PRKCA: variants seen among roughly 807,000 people sequenced by gnomAD.
The protein encoded by PRKCA is protein kinase C alpha type.
A neutral mutation model predicts 87.0 loss-of-function variants in PRKCA; 27 were observed. That is an observed-to-expected ratio of 0.31 (90% CI 0.23 to 0.43). PRKCA has a LOEUF of 0.43. PRKCA is among the 20% of genes least tolerant of loss of function. PRKCA has a pLI of 1.00. For missense variants in PRKCA, 518 were observed against 852.3 expected (o/e 0.61, Z 4.88); for synonymous variants, 329 against 311.1 (o/e 1.06, Z -0.61).
chr17:66,448,471 T>C (rs574837683), intron 2 of PRKCA, among the ~76,000 whole-genome samples: 2 of 152,304 alleles, frequency 1.3e-5, no homozygotes, highest in East Asian at 3.9e-4. Context: ...CTATGCGTAA[T>C]GAGGGTGACA....
chr17:66,562,247 C>T (rs1255499555), intron 3 of PRKCA, among the ~76,000 whole-genome samples: 8 of 84,630 alleles, frequency 9.5e-5, no homozygotes, highest in Non-Finnish European at 1.5e-4. Context: ...TATATCTCAC[C>T]ACAATAAAAA....
chr17:66,602,355 C>A, intron 3 of PRKCA, among the ~76,000 whole-genome samples: 1 of 143,684 alleles, frequency 7.0e-6, no homozygotes, highest in Non-Finnish European at 1.5e-5. Flanking sequence ...TCACCCCTTT[C>A]TTTGACTCGG....
At chr17:66,423,596 G>C (rs2143800714) in intron 2 of PRKCA, among the ~76,000 whole-genome samples, 1 of 152,304 alleles carries the variant, frequency 6.6e-6, no homozygotes, top group East Asian at 1.9e-4. Flanking sequence ...CCTGGTCACT[G>C]TCTGTGCTTT....
chr17:66,679,648 G>C (rs141420252), intron 5 of PRKCA, among the ~76,000 whole-genome samples: 2 of 152,324 alleles, frequency 1.3e-5, no homozygotes, highest in African/African-American at 4.8e-5. Context: ...TTTTCCCTCT[G>C]TGCTCTTTGG....
At chr17:66,474,790 A>G (rs1915470955) in intron 2 of PRKCA, among the ~76,000 whole-genome samples, 1 of 152,208 alleles carries the variant, frequency 6.6e-6, no homozygotes, top group Admixed American at 6.5e-5. Context: ...GGATGGATGT[A>G]GAAAAAGGTT....
At position 66,645,083 on chromosome 17, in the gene PRKCA, A is replaced by G. The variant is rs1971416256; in HGVS notation, c.401-300A>G. 2.0e-5 allele frequency among the ~76,000 whole-genome samples: 3 copies of G among 152,212 alleles called. No individual in the cohort carries two copies. The South Asian group carries it at 6.2e-4, about 32-fold the overall frequency. On this transcript the variant is annotated intron_variant, in intron 4 of 16. Transcript: ENST00000413366. ...ATTAGGCTGAGCTTTGTACATATTT[A>G]CCTGTGTGAATTTTGTATACTGTTA... is the stretch of plus-strand genomic sequence containing the variant.
At position 66,687,211 on chromosome 17, in the gene PRKCA, A is replaced by G; in HGVS notation, c.630A>G (p.Gln210=). The G allele has an allele frequency of 6.2e-7, 1 of 1,614,182 alleles. No individual in the cohort carries two copies. Among genetic ancestry groups the G allele is most frequent in the South Asian group, 1.1e-5 (1 of 91,080 alleles). ...LIPDPKNESK[Q]KTKTIRSTLN... ...CTGATCCCAAGAATGAAAGCAAGCA[A>G]AAAACCAAAACCATCCGCTCCACAC... Residue 210 remains glutamine, a synonymous_variant, in exon 6 of 17, where the codon CAA becomes CAG. Coordinates refer to ENST00000413366, the MANE Select transcript of PRKCA (RefSeq NM_002737.3).
At chr17:66,798,182 C>T (rs1227888124) in intron 16 of PRKCA, among the ~76,000 whole-genome samples, 2 of 152,236 alleles carry the variant, frequency 1.3e-5, no homozygotes, top group African/African-American at 2.4e-5. Flanking sequence ...CTCTTTGCTT[C>T]TTCTTGCTCC....
At chr17:66,461,526 C>T (rs1191537709) in intron 2 of PRKCA, among the ~76,000 whole-genome samples, 1 of 152,160 alleles carries the variant, frequency 6.6e-6, no homozygotes, top group African/African-American at 2.4e-5. Context: ...CCTCAGATTT[C>T]AGTGCTATGA....
chr17:66,670,780 T>C (rs1218750261), intron 5 of PRKCA, among the ~76,000 whole-genome samples: 2 of 151,934 alleles, frequency 1.3e-5, no homozygotes, highest in African/African-American at 4.8e-5. Flanking sequence ...GAGGATTGCT[T>C]GAGCACAGGA....
chr17:66,374,480 A>G (rs1384130114), intron 2 of PRKCA, among the ~76,000 whole-genome samples: 1 of 152,126 alleles, frequency 6.6e-6, no homozygotes, highest in Non-Finnish European at 1.5e-5. Context: ...TGGCGTCACC[A>G]TGGCATCAGC....
intron 3 of PRKCA, among the ~76,000 whole-genome samples, chr17:66,553,734 G>A (rs374479621): frequency 2.0e-5 from 3 of 152,336 alleles, no homozygotes; most frequent in East Asian, 1.9e-4. Flanking sequence ...TGACATGAGC[G>A]AAGCATCTTG....
intron 3 of PRKCA, among the ~76,000 whole-genome samples, chr17:66,502,689 C>G (rs771769229): frequency 1.3e-5 from 2 of 152,256 alleles, no homozygotes; most frequent in Non-Finnish European, 2.9e-5. Flanking sequence ...GAGTCTCGCT[C>G]TGTTGCCCAG....
chr17:66,383,718 C>T (rs181824671), intron 2 of PRKCA, among the ~76,000 whole-genome samples: 24 of 152,112 alleles, frequency 1.6e-4, no homozygotes, highest in African/African-American at 5.3e-4. Flanking sequence ...TCTAGGAGGC[C>T]GAAGTGGGTG....
rs76158795 is a variant in PRKCA, at chr17:66,544,888, C to T, written c.288+48605C>T. Among the ~76,000 whole-genome samples the T allele has an allele frequency of 4.7e-3, 709 of 152,232 alleles. 10 individuals are homozygous for T. The highest frequency in any genetic ancestry group is 0.014 in the African/African-American group (595 of 41,552). On this transcript the variant is annotated intron_variant, in intron 3 of 16. Coordinates refer to ENST00000413366, the MANE Select transcript of PRKCA (RefSeq NM_002737.3). ...GATTACAGGCATGAGCCACCATGTC[C>T]GACCACCAATATCATTTTTTAAAAG...
chr17:66,725,107 A>T (rs1973711374), intron 8 of PRKCA, among the ~76,000 whole-genome samples: 1 of 152,040 alleles, frequency 6.6e-6, no homozygotes. Flanking sequence ...GCCTCTGGGG[A>T]GGGTCATCAT....
chr17:66,548,095 G>T (rs1968202099), intron 3 of PRKCA, among the ~76,000 whole-genome samples: 2 of 152,334 alleles, frequency 1.3e-5, no homozygotes, highest in East Asian at 1.9e-4. Flanking sequence ...AGCTGTAATT[G>T]TGGGGCTAGA....
At chr17:66,629,771 G>A (rs577888552) in intron 3 of PRKCA, among the ~76,000 whole-genome samples, 1 of 152,282 alleles carries the variant, frequency 6.6e-6, no homozygotes, top group African/African-American at 2.4e-5. Flanking sequence ...TAAAGAGGGT[G>A]GCATGGGGGA....
intron 16 of PRKCA, among the ~76,000 whole-genome samples, chr17:66,795,558 T>C (rs1975644582): frequency 6.6e-6 from 1 of 152,220 alleles, no homozygotes; most frequent in Admixed American, 6.5e-5. Flanking sequence ...CTCAAATACT[T>C]TTCTGCTTAG....
Sources: allele counts gnomAD v4.1 joint callset (sites outside exome capture counted in the v4.1 genomes callset), GRCh38; gene constraint gnomAD v4.1.1; transcripts MANE v1.5; gene names NCBI Gene and HGNC (gene_info 2026-07-23, HGNC 2026-07-21).